SAMHD1: variants seen among roughly 807,000 people sequenced by gnomAD.
The protein encoded by SAMHD1 is SAM and HD domain containing deoxynucleoside triphosphate triphosphohydrolase 1.
In SAMHD1, 54 loss-of-function variants were observed where a neutral mutation model predicts 79.6. That is an observed-to-expected ratio of 0.68 (90% CI 0.55 to 0.85). SAMHD1 has a LOEUF of 0.85. SAMHD1 is among the 40% of genes least tolerant of loss of function. The probability of loss-of-function intolerance (pLI) is 0.00; values close to 1 mark genes in which losing one functional copy is unlikely to be tolerated. For missense variants in SAMHD1, 663 were observed against 782.7 expected (o/e 0.85, Z 1.82); for synonymous variants, 260 against 264.1 (o/e 0.98, Z 0.15).
At chr20:36,919,604 T>A in intron 6 of SAMHD1, 85 bp from the exon 7 acceptor site, 1 of 1,226,180 alleles carries the variant, frequency 8.2e-7, no homozygotes, top group Non-Finnish European at 1.2e-6. Context: ...CAATTCCAAG[T>A]AATTCTGAGA....
At chr20:36,933,067 T>A (rs1480618117) in intron 4 of SAMHD1, among the ~76,000 whole-genome samples, 1 of 152,190 alleles carries the variant, frequency 6.6e-6, no homozygotes, top group Non-Finnish European at 1.5e-5. Context: ...CAGAGGCGAT[T>A]GTTATCTTTT....
intron 9 of SAMHD1, among the ~76,000 whole-genome samples, chr20:36,915,705 C>T (rs1026191044): frequency 7.3e-5 from 11 of 151,382 alleles, no homozygotes; most frequent in Non-Finnish European, 1.2e-4. Flanking sequence ...CCACTGTACC[C>T]CAGCCTAGGC....
At chr20:36,926,275 C>T (rs1436637204) in intron 6 of SAMHD1, among the ~76,000 whole-genome samples, 2 of 152,192 alleles carry the variant, frequency 1.3e-5, no homozygotes, top group South Asian at 2.1e-4. Context: ...TACTGAGGCA[C>T]ATAACATGAA....
At chr20:36,912,638 G>A in intron 9 of SAMHD1, 86 bp from the exon 10 acceptor site, 1 of 950,696 alleles carries the variant, frequency 1.1e-6, no homozygotes, top group Middle Eastern at 2.1e-4. Context: ...GGAAGGAAAA[G>A]GGATAGTGGC....
intron 6 of SAMHD1, among the ~76,000 whole-genome samples, chr20:36,922,706 A>G (rs1034102271): frequency 6.6e-6 from 1 of 152,114 alleles, no homozygotes; most frequent in Admixed American, 6.5e-5. Flanking sequence ...TTTTTGAGAC[A>G]AGTTCTCACT....
At chr20:36,906,650 TGA>T (rs1245995979) in intron 11 of SAMHD1, among the ~76,000 whole-genome samples, 1 of 152,190 alleles carries the variant, frequency 6.6e-6, no homozygotes, top group Non-Finnish European at 1.5e-5. Flanking sequence ...CATTCGATGA[TGA>T]GAGTAGAAGA....
At chr20:36,897,584 A>G (rs1372566267) in intron 15 of SAMHD1, 12 of 566,110 alleles carry the variant, frequency 2.1e-5, no homozygotes, top group South Asian at 2.0e-4. Context: ...ACATGTTCAC[A>G]TTTTTATTAT....
chr20:36,912,807 G>A (rs1372806098), intron 9 of SAMHD1, among the ~76,000 whole-genome samples: 1 of 131,504 alleles, frequency 7.6e-6, no homozygotes, highest in Non-Finnish European at 1.6e-5. Flanking sequence ...TGTTGCTCAG[G>A]CTGGTCTTAA....
intron 1 of SAMHD1, among the ~76,000 whole-genome samples, chr20:36,949,332 G>T (rs976400996): frequency 1.3e-5 from 2 of 151,526 alleles, no homozygotes. Flanking sequence ...ACCAAACAGA[G>T]GTTGGGCATG....
chr20:36,930,113 A>G (rs4810357), intron 5 of SAMHD1, among the ~76,000 whole-genome samples: 32,378 of 148,924 alleles, frequency 0.22, 4,325 homozygotes, highest in East Asian at 0.46. Flanking sequence ...TAAGCATAAG[A>G]AGGATAAAAG....
intron 9 of SAMHD1, among the ~76,000 whole-genome samples, chr20:36,912,889 GT>G (rs71186089): frequency 3.6e-4 from 15 of 41,104 alleles, no homozygotes; most frequent in South Asian, 1.2e-3. Flanking sequence ...TTCATTCTTT[GT>G]TTTTTTTTTT....
At chr20:36,897,712 TA>T in intron 15 of SAMHD1, 109 bp downstream of exon 15, 1 of 1,241,950 alleles carries the variant, frequency 8.1e-7, no homozygotes, top group Non-Finnish European at 1.2e-6. Flanking sequence ...TTCAAAACCA[TA>T]ACCAAATGAC....
chr20:36,948,363 C>T (rs2063709001), intron 1 of SAMHD1, among the ~76,000 whole-genome samples: 1 of 152,076 alleles, frequency 6.6e-6, no homozygotes, highest in Admixed American at 6.5e-5. Flanking sequence ...AGTGATTCTC[C>T]TGCCTCAGCT....
At chr20:36,939,489 GGGA>G (rs1365025688) in intron 3 of SAMHD1, among the ~76,000 whole-genome samples, 1 of 151,586 alleles carries the variant, frequency 6.6e-6, no homozygotes, top group Non-Finnish European at 1.5e-5. Flanking sequence ...CCAGCTACCT[GGGA>G]GGCTGAGACA....
chr20:36,940,401 T>C (rs1326362794), intron 3 of SAMHD1: 1 of 152,708 alleles, frequency 6.5e-6, no homozygotes, highest in East Asian at 1.9e-4. Flanking sequence ...GATAGAAACA[T>C]AATAAATAGA....
At chr20:36,913,001 T>C (rs2148366452) in intron 9 of SAMHD1, among the ~76,000 whole-genome samples, 1 of 139,158 alleles carries the variant, frequency 7.2e-6, no homozygotes, top group South Asian at 2.3e-4. Flanking sequence ...CTTTCTTCCT[T>C]TTTTTTTTTT....
intron 15 of SAMHD1, among the ~76,000 whole-genome samples, chr20:36,896,871 G>T (rs375905867): frequency 1.4e-5 from 1 of 72,488 alleles, no homozygotes; most frequent in Non-Finnish European, 3.5e-5. Context: ...AAAAAAAAAA[G>T]AATTTTCTAC....
chr20:36,919,150 G>C (rs1423195066), intron 7 of SAMHD1, among the ~76,000 whole-genome samples: 2 of 152,018 alleles, frequency 1.3e-5, no homozygotes, highest in Non-Finnish European at 1.5e-5. Flanking sequence ...AAGAATTTCT[G>C]TATATATATT....
At chr20:36,900,113 A>C (rs1420966754) in intron 13 of SAMHD1, among the ~76,000 whole-genome samples, 1 of 151,468 alleles carries the variant, frequency 6.6e-6, no homozygotes, top group Admixed American at 6.6e-5. Context: ...AAAAAAATGT[A>C]AGAGAAGGCA....
Sources: allele counts gnomAD v4.1 joint callset (sites outside exome capture counted in the v4.1 genomes callset), GRCh38; gene constraint gnomAD v4.1.1; transcripts MANE v1.5; gene names NCBI Gene and HGNC (gene_info 2026-07-23, HGNC 2026-07-21).